PIN4: variants seen among roughly 807,000 people sequenced by gnomAD.
PIN4 encodes the protein peptidyl-prolyl cis-trans isomerase NIMA-interacting 4.
PIN4 carries 3 observed loss-of-function variants against 8.3 expected under a neutral mutation model. That is an observed-to-expected ratio of 0.36 (90% CI 0.16 to 0.93). The LOEUF is 0.93. Among genes scored for constraint, PIN4 ranks in the 40% least tolerant of loss-of-function variants. PIN4 has a pLI of 0.44. For synonymous variants in PIN4, 18 were observed against 32.5 expected, an observed-to-expected ratio of 0.55 and a Z score of 1.52; for missense variants, 75 against 100.6, an observed-to-expected ratio of 0.75 and a Z score of 1.09.
At chrX:72,185,147 C>CAAAAAAAAAAA (rs746215043) in intron 1 of PIN4, among the ~76,000 whole-genome samples, 3,033 of 24,376 alleles carry the variant, frequency 0.12, 935 homozygotes, top group Middle Eastern at 0.2. Context: ...GACTCCGTCT[C>CAAAAAAAAAAA]AAAAAAAAAA....
chrX:72,261,516 T>C (rs1330851429), intron 3 of PIN4, among the ~76,000 whole-genome samples: 1 of 111,526 alleles, frequency 9.0e-6, no homozygotes, highest in Admixed American at 9.6e-5. Context: ...ACTTTCGGTA[T>C]GCTTTTTAAC....
chrX:72,192,097 A>G lies in PIN4; in HGVS notation c.118-4688A>G, dbSNP rs766784310. 6.6e-4 allele frequency among the ~76,000 whole-genome samples: 73 copies of G among 110,449 alleles called. No individual in the cohort carries two copies. The South Asian group carries it at 0.024, about 36-fold the overall frequency. ...CTCCCGAGTAGCTGGGATTACAGGC[A>G]TCCACCACCACTCCCGGCTAATTGT... On this transcript the variant is annotated intron_variant, in intron 2 of 3. Transcript: ENST00000373669.
In PIN4 at chrX:72,238,269, C is replaced by T. The variant is rs1158068301; in HGVS notation, c.313-24438C>T. Among the ~76,000 whole-genome samples, 4 of 111,849 alleles carry T rather than the reference C, an allele frequency of 3.6e-5. No individual in the cohort carries two copies. The East Asian group carries it at 8.4e-4, about 23-fold the overall frequency. ...TTAAATTCTCATCCCAACATTACCA[C>T]GCCCCCCACCCTTAGCCAACTGGTG... On this transcript the variant is annotated intron_variant, in intron 3 of 3. Transcript: ENST00000423432.
chrX:72,238,924 G>A (rs916366383), intron 3 of PIN4: 9 of 1,182,863 alleles, frequency 7.6e-6, no homozygotes, highest in Non-Finnish European at 9.1e-6. Flanking sequence ...CCCTCGGATT[G>A]GGTTCCAGTT....
chrX:72,193,882 AAAAAG>A (rs2042749592), intron 2 of PIN4, among the ~76,000 whole-genome samples: 1 of 110,856 alleles, frequency 9.0e-6, no homozygotes, highest in Non-Finnish European at 1.9e-5. Flanking sequence ...CAAAAAAAAA[AAAAAG>A]AAAAAAGCTT....
chrX:72,234,679 T>C (rs933155496), intron 3 of PIN4, among the ~76,000 whole-genome samples: 1 of 110,459 alleles, frequency 9.1e-6, no homozygotes, highest in East Asian at 2.8e-4. Context: ...AATGGAGGGG[T>C]TGTGCCTTAG....
intron 3 of PIN4, among the ~76,000 whole-genome samples, chrX:72,214,568 G>C (rs905957707): frequency 1.8e-5 from 2 of 108,260 alleles, no homozygotes; most frequent in Non-Finnish European, 3.8e-5. Flanking sequence ...ATCTACTCTG[G>C]AGGCAAAGGC....
chrX:72,239,189 C>T (rs371174933), intron 3 of PIN4: 9 of 351,640 alleles, frequency 2.6e-5, no homozygotes, highest in East Asian at 2.4e-4. Context: ...CTTCGAGACA[C>T]GGAGTGTGCT....
intron 2 of PIN4, among the ~76,000 whole-genome samples, chrX:72,194,127 C>T (rs1241205030): frequency 6.3e-5 from 7 of 111,556 alleles, no homozygotes; most frequent in East Asian, 2.8e-4. Flanking sequence ...GGGACGGGTG[C>T]GGTGGCTCAT....
chrX:72,208,868 CACAA>C (rs747260361), intron 3 of PIN4, among the ~76,000 whole-genome samples: 2 of 112,136 alleles, frequency 1.8e-5, no homozygotes, highest in South Asian at 3.7e-4. Context: ...TCACTTGAGA[CACAA>C]ACAAATATCC....
At chrX:72,238,979 GGAGCTTA>G in intron 3 of PIN4, 1 of 1,024,900 alleles carries the variant, frequency 9.8e-7, no homozygotes, top group Non-Finnish European at 1.3e-6. Flanking sequence ...CTTGGAGCTT[GGAGCTTA>G]GAGTTTGGAG....
intron 3 of PIN4, among the ~76,000 whole-genome samples, chrX:72,226,520 C>CG (rs2042954766): frequency 8.9e-6 from 1 of 112,037 alleles, no homozygotes; most frequent in Admixed American, 9.5e-5. Flanking sequence ...TTGGAGCGAG[C>CG]GGGGCTATGT....
chrX:72,206,636 C>T (rs750289131), intron 3 of PIN4: 40 of 1,209,480 alleles, frequency 3.3e-5, no homozygotes, highest in Non-Finnish European at 4.4e-5. Context: ...TTTTGAGACT[C>T]GAATTCAACG....
At chrX:72,191,663 A>G (rs2042734741) in intron 2 of PIN4, among the ~76,000 whole-genome samples, 3 of 112,313 alleles carry the variant, frequency 2.7e-5, no homozygotes, top group Admixed American at 1.9e-4. Context: ...ATTTAATGAG[A>G]TAAGTACTCA....
intron 3 of PIN4, among the ~76,000 whole-genome samples, chrX:72,257,542 T>C (rs995082431): frequency 3.6e-5 from 4 of 111,024 alleles, no homozygotes; most frequent in Non-Finnish European, 7.5e-5. Flanking sequence ...GGGTGGCAGC[T>C]AGGGAGATGA....
rs144390339 is a variant in PIN4 at position 72,196,872 on chromosome X, G to T, written c.205G>T (p.Ala69Ser). Residue 69 changes from alanine (A) to serine (S), a missense_variant, in exon 3 of 4, where the codon GCA becomes TCA. Physicochemically the swap from Ala to Ser is moderately conservative, Grantham distance 99. Coordinates refer to ENST00000373669, the MANE Select transcript of PIN4 (RefSeq NM_006223.4). ...KSGMRFNEVAAQYSEDKARQG... is the reference protein window; with the variant it reads ...KSGMRFNEVASQYSEDKARQG... ...TGGGATGAGATTCAATGAAGTGGCC[G>T]CACAGTATAGTGAAGATAAAGCCAG... The T allele has an allele frequency of 5.4e-3, 6,485 of 1,200,543 alleles. 201 individuals are homozygous for T. In the African/African-American group the frequency reaches 0.089, roughly 16 times the overall value.
chrX:72,252,983 A>T (rs2043093954), intron 3 of PIN4, among the ~76,000 whole-genome samples: 1 of 110,580 alleles, frequency 9.0e-6, no homozygotes, highest in Non-Finnish European at 1.9e-5. Flanking sequence ...GGAGTCCCAG[A>T]CTCCTATATC....
chrX:72,259,562 G>A (rs1193916160), intron 3 of PIN4, among the ~76,000 whole-genome samples: 1 of 109,312 alleles, frequency 9.1e-6, no homozygotes, highest in African/African-American at 3.3e-5. Flanking sequence ...TTCTAATACA[G>A]TTTATCCTCA....
At chrX:72,263,565 G>A (rs963122859) in exon 4 of PIN4, 6 of 111,983 alleles carry the variant, frequency 5.4e-5, no homozygotes, top group Non-Finnish European at 7.5e-5. Flanking sequence ...ACACTAGGGA[G>A]GCCTTGCAAG....
Sources: gnomAD v4.1 joint callset for allele counts (sites outside exome capture counted in the v4.1 genomes callset) on GRCh38, gnomAD v4.1.1 for gene constraint, MANE v1.5 for transcripts, NCBI Gene and HGNC (gene_info 2026-07-23, HGNC 2026-07-21) for gene names.